Variants in UGT1A7 observed in about 807,000 individuals in gnomAD.
UGT1A7 encodes the protein UDP-glucuronosyltransferase 1A7.
In UGT1A7, 33 loss-of-function variants were observed where a neutral mutation model predicts 45.6. The ratio of observed to expected loss-of-function variants is 0.72; its 90% CI spans 0.55 to 0.97. The LOEUF is 0.97. Ranked by LOEUF, UGT1A7 falls within the 50% of genes least tolerant of loss-of-function variation. The pLI, the probability that UGT1A7 is intolerant of heterozygous loss-of-function variation, is 0.00. For missense variants in UGT1A7, 684 were observed against 666.2 expected (o/e 1.03, Z -0.29); for synonymous variants, 274 against 250.6 (o/e 1.09, Z -0.88).
At chr2:233,755,301 G>A in intron 1 of UGT1A7, 2 of 599,966 alleles carry the variant, frequency 3.3e-6, no homozygotes, top group Non-Finnish European at 5.2e-6. Context: ...CGGGGCACTG[G>A]CACAGCGAGC....
Position 233,682,769 on chromosome 2 carries a change from C to A in UGT1A7, c.832C>A (p.His278Asn), listed in dbSNP as rs2074598452. 1.2e-6 allele frequency: 2 copies of A among 1,613,578 alleles called. No individual in the cohort carries two copies. Among genetic ancestry groups the A allele is most frequent in the Non-Finnish European group, 8.5e-7 (1 of 1,179,556 alleles). The part of the protein sequence containing the change: ...NMIFIGGINC[H>N]QGKPVPMEFE... ...GATCTTCATTGGTGGTATCAACTGTCATCAGGGAAAGCCAGTGCCTATGGT... is the reference window on the plus strand; with the variant it reads ...GATCTTCATTGGTGGTATCAACTGTAATCAGGGAAAGCCAGTGCCTATGGT... Residue 278 changes from histidine (H) to asparagine (N), a missense_variant, in exon 1 of 5, where the codon CAT becomes AAT. Physicochemically the swap from His to Asn is moderately conservative, Grantham distance 68. Transcript: ENST00000373426.
At chr2:233,759,644 C>A (rs34916116) in intron 1 of UGT1A7, among the ~76,000 whole-genome samples, 5,494 of 124,518 alleles carry the variant, frequency 0.044, 131 homozygotes, top group Non-Finnish European at 0.061. Flanking sequence ...TAGCATGCTT[C>A]ACGATTTCTA....
chr2:233,747,506 A>G, intron 1 of UGT1A7: 1 of 1,608,324 alleles, frequency 6.2e-7, no homozygotes, highest in Non-Finnish European at 8.5e-7. Flanking sequence ...GCCACACTCA[A>G]CTGTACTTTG....
At chr2:233,716,805 C>T (rs889271295) in intron 1 of UGT1A7, among the ~76,000 whole-genome samples, 2 of 152,120 alleles carry the variant, frequency 1.3e-5, no homozygotes, top group Non-Finnish European at 2.9e-5. Context: ...TGTCTCTGGA[C>T]GTTGCTGGGG....
At chr2:233,759,773 G>A (rs1199686536) in intron 1 of UGT1A7, among the ~76,000 whole-genome samples, 1 of 152,142 alleles carries the variant, frequency 6.6e-6, no homozygotes, top group African/African-American at 2.4e-5. Context: ...AATATTGTTG[G>A]ACGAAGGAAT....
chr2:233,725,179 GAGAGGCAGAGGC>G lies in UGT1A7; in HGVS notation c.856-41825_856-41814del, dbSNP rs879478240. ...CTCTGCATGAGAGGGAGACCGTGGG[GAGAGGCAGAGGC>G]AGAGGCAGAGGCAGAGGCAGAGGCA... On this transcript the variant is annotated intron_variant, in intron 1 of 4. Coordinates refer to ENST00000373426, the MANE Select transcript of UGT1A7 (RefSeq NM_019077.3). Among the ~76,000 whole-genome samples the G allele has an allele frequency of 6.0e-3, 403 of 67,616 alleles. 106 individuals carry two copies. Among genetic ancestry groups the G allele is most frequent in the Middle Eastern group, 0.049 (7 of 142 alleles). 44.4% of individuals were successfully genotyped at this position (67,616 alleles called of 152,430 possible). A position where few individuals can be genotyped will look rare whatever the true frequency, so the allele number is the denominator to read the frequency against.
In UGT1A7 at chr2:233,713,469, G is replaced by A. The variant is rs755500428; in HGVS notation, c.855+30677G>A. The A allele has an allele frequency of 2.5e-6, 4 of 1,614,076 alleles. No homozygotes were observed. The South Asian group carries it at 4.4e-5, about 18-fold the overall frequency. ...AGACCCCTTTCACCTCTGCGCGGCG[G>A]TGCTGGCTAAGTACCTGTCGATTCC... On this transcript the variant is annotated intron_variant, in intron 1 of 4. Transcript: ENST00000373426.
intron 1 of UGT1A7, among the ~76,000 whole-genome samples, chr2:233,731,737 A>G (rs2078198933): frequency 6.6e-6 from 1 of 152,224 alleles, no homozygotes; most frequent in African/African-American, 2.4e-5. Context: ...TAGTGCCACA[A>G]TAAACATACG....
In UGT1A7 at chr2:233,772,515, A is replaced by G. The variant is rs553499095; in HGVS notation, c.1549A>G (p.Lys517Glu). The change falls in exon 5 of 5, where the codon AAA becomes GAA. Residue 517 changes from lysine to glutamate, a missense_variant. Transcript: ENST00000373426. ...CAYGYRKCLGKKGRVKKAHKS... is the reference protein window; with the variant it reads ...CAYGYRKCLGEKGRVKKAHKS... ...TTATGGCTACCGGAAATGCTTGGGG[A>G]AAAAAGGGCGAGTTAAGAAAGCCCA... is the stretch of plus-strand genomic sequence containing the variant. 82 of 1,614,158 alleles carry G rather than the reference A, an allele frequency of 5.1e-5. No individual in the cohort carries two copies. Among genetic ancestry groups the G allele is most frequent in the Non-Finnish European group, 6.4e-5 (75 of 1,180,028 alleles).
In UGT1A7 at chr2:233,682,793, G is replaced by A. The variant is rs750891491; in HGVS notation, c.855+1G>A. 6.2e-6 allele frequency: 10 copies of A among 1,611,268 alleles called. No individual in the cohort carries two copies. Among genetic ancestry groups the A allele is most frequent in the Non-Finnish European group, 8.5e-6 (10 of 1,178,000 alleles). On this transcript the variant is annotated splice_donor_variant, in intron 1 of 4. Coordinates refer to ENST00000373426, the MANE Select transcript of UGT1A7 (RefSeq NM_019077.3). LOFTEE classifies it high-confidence loss of function. ...TCATCAGGGAAAGCCAGTGCCTATG[G>A]TAAGTTATCTCCCCTTTAGCACATT... is the stretch of plus-strand genomic sequence containing the variant.
intron 1 of UGT1A7, chr2:233,743,739 T>C (rs377618743): frequency 7.3e-7 from 1 of 1,367,366 alleles, no homozygotes; most frequent in African/African-American, 1.5e-5. Flanking sequence ...TCGCGTTTCT[T>C]GGCGTCCGAC....
intron 1 of UGT1A7, chr2:233,729,238 G>A: frequency 6.2e-7 from 1 of 1,614,214 alleles, no homozygotes; most frequent in Non-Finnish European, 8.5e-7. Flanking sequence ...GCCCATTGAT[G>A]GCAGCCACTG....
chr2:233,713,717 G>T, intron 1 of UGT1A7: 1 of 1,613,946 alleles, frequency 6.2e-7, no homozygotes, highest in Non-Finnish European at 8.5e-7. Flanking sequence ...TTCAGAGAGA[G>T]GTGTCAGTGG....
intron 1 of UGT1A7, among the ~76,000 whole-genome samples, chr2:233,737,011 AG>A (rs2078834177): frequency 1.3e-5 from 2 of 152,192 alleles, no homozygotes; most frequent in Non-Finnish European, 2.9e-5. Context: ...CCGCTTGAGG[AG>A]GCAGTCTGTC....
At chr2:233,720,792 A>C (rs1575534792) in intron 1 of UGT1A7, among the ~76,000 whole-genome samples, 4 of 135,258 alleles carry the variant, frequency 3.0e-5, no homozygotes, top group Non-Finnish European at 4.7e-5. Flanking sequence ...TGCAACCTTC[A>C]CCTCCCGGGT....
intron 1 of UGT1A7, among the ~76,000 whole-genome samples, chr2:233,732,038 A>G (rs541263635): frequency 3.5e-4 from 54 of 152,356 alleles, no homozygotes; most frequent in African/African-American, 1.2e-3. Context: ...ATGACCAGTG[A>G]TGATGAGCAT....
At chr2:233,730,095 T>G (rs1360215327) in intron 1 of UGT1A7, 1 of 1,591,544 alleles carries the variant, frequency 6.3e-7, no homozygotes, top group Non-Finnish European at 8.5e-7. Context: ...TCTTTCCAAA[T>G]ATTTCATTTC....
At chr2:233,734,262 T>A (rs1260850291) in intron 1 of UGT1A7, among the ~76,000 whole-genome samples, 1 of 152,214 alleles carries the variant, frequency 6.6e-6, no homozygotes, top group Admixed American at 6.5e-5. Flanking sequence ...GGAGGGTGTA[T>A]GTGTCCAGGA....
rs937345281 is a variant in UGT1A7, at chr2:233,688,628, C to A, written c.855+5836C>A. 9.2e-5 allele frequency among the ~76,000 whole-genome samples: 14 copies of A among 152,130 alleles called. 1 individual carries two copies. The highest frequency in any genetic ancestry group is 3.4e-4 in the African/African-American group (14 of 41,444). On this transcript the variant is annotated intron_variant, in intron 1 of 4. Coordinates refer to ENST00000373426, the MANE Select transcript of UGT1A7 (RefSeq NM_019077.3). ...ACACCCTCAGCAAACATGAGTTCGTCTTGTTTTTGTTGGTGTTACAGAATA... is the reference window on the plus strand; with the variant it reads ...ACACCCTCAGCAAACATGAGTTCGTATTGTTTTTGTTGGTGTTACAGAATA...
Sources: gnomAD v4.1 joint callset for allele counts (sites outside exome capture counted in the v4.1 genomes callset) on GRCh38, gnomAD v4.1.1 for gene constraint, MANE v1.5 for transcripts, NCBI Gene and HGNC (gene_info 2026-07-23, HGNC 2026-07-21) for gene names.